Variants in EDIL3 observed in about 807,000 individuals in gnomAD.
EDIL3 encodes EGF-like repeat and discoidin I-like domain-containing protein 3.
Under a neutral mutation model 67.4 loss-of-function variants are expected in EDIL3, and 37 were observed. The ratio of observed to expected loss-of-function variants is 0.55; its 90% CI spans 0.42 to 0.72. The LOEUF (loss-of-function observed/expected upper bound fraction) is 0.72, where lower values mean the gene tolerates loss of function less well. Ranked by LOEUF, EDIL3 falls within the 30% of genes least tolerant of loss-of-function variation. EDIL3 has a pLI of 0.00. For missense variants in EDIL3, 527 were observed against 586.3 expected (o/e 0.90, Z 1.04); for synonymous variants, 195 against 196.3 (o/e 0.99, Z 0.05).
chr5:84,322,538 A>T (rs1465273144), intron 1 of EDIL3, among the ~76,000 whole-genome samples: 3 of 152,246 alleles, frequency 2.0e-5, no homozygotes, highest in Non-Finnish European at 2.9e-5. Context: ...TAAAATTTTT[A>T]AAAAATTTAA....
chr5:83,943,294 A>C lies in EDIL3; in HGVS notation c.*125T>G. The C allele has an allele frequency of 1.5e-6, 2 of 1,358,556 alleles. No individual in the cohort carries two copies. The highest frequency in any genetic ancestry group is 2.0e-6 in the Non-Finnish European group (2 of 996,640). The allele number at this position is 1,358,556 out of a possible 1,614,324, so 84.2% of individuals were successfully genotyped here. Reference sequence around the variant, plus strand: ...AAAAACACCGTTAGTTGCCTACCATAATTTGAGCACTTTTTCATGAAAAAA... The same window carrying C: ...AAAAACACCGTTAGTTGCCTACCATCATTTGAGCACTTTTTCATGAAAAAA... On this transcript the variant is annotated 3_prime_UTR_variant, in exon 11 of 11. Coordinates refer to ENST00000296591, the MANE Select transcript of EDIL3 (RefSeq NM_005711.5).
intron 9 of EDIL3, among the ~76,000 whole-genome samples, chr5:83,964,728 A>C (rs567412716): frequency 6.6e-6 from 1 of 152,224 alleles, no homozygotes; most frequent in East Asian, 1.9e-4. Context: ...TAAAGCCTTT[A>C]GACTCAAGTT....
chr5:84,035,100 T>C (rs1017038451), intron 9 of EDIL3, among the ~76,000 whole-genome samples: 3 of 152,168 alleles, frequency 2.0e-5, no homozygotes, highest in Admixed American at 6.6e-5. Context: ...TTGGGAATGA[T>C]TAAACTGAAT....
chr5:84,033,169 A>G (rs1322277177), intron 9 of EDIL3, among the ~76,000 whole-genome samples: 3 of 151,746 alleles, frequency 2.0e-5, no homozygotes, highest in African/African-American at 4.8e-5. Flanking sequence ...GGAGATGACA[A>G]CTCCTAACTC....
intron 7 of EDIL3, 38 bp from the exon 8 acceptor site, chr5:84,064,882 C>A: frequency 1.3e-6 from 2 of 1,575,260 alleles, no homozygotes; most frequent in Non-Finnish European, 1.7e-6. Flanking sequence ...ACTGCAACAG[C>A]TTATTTACCT....
At chr5:84,121,538 GATCTATCTATCT>G (rs3046833) in intron 5 of EDIL3, among the ~76,000 whole-genome samples, 13,954 of 129,836 alleles carry the variant, frequency 0.11, 764 homozygotes, top group Middle Eastern at 0.17. Flanking sequence ...AACTTAGATC[GATCTATCTATCT>G]ATCTATCTAT....
At chr5:83,953,614 T>A (rs1744456996) in intron 10 of EDIL3, among the ~76,000 whole-genome samples, 1 of 151,822 alleles carries the variant, frequency 6.6e-6, no homozygotes, top group South Asian at 2.1e-4. Context: ...TGTTTCTAAC[T>A]TTACTGGAAA....
chr5:83,974,268 A>G (rs1744841294), intron 9 of EDIL3, among the ~76,000 whole-genome samples: 1 of 151,784 alleles, frequency 6.6e-6, no homozygotes, highest in Non-Finnish European at 1.5e-5. Flanking sequence ...ATGGCCTCTT[A>G]GAAATCAAGC....
At position 84,137,220 on chromosome 5, in the gene EDIL3, TAC is replaced by T; in HGVS notation, c.469+19_469+20del. 1.6e-6 allele frequency: 2 copies of T among 1,260,738 alleles called. No homozygotes were observed. The highest frequency in any genetic ancestry group is 1.1e-6 in the Non-Finnish European group (1 of 895,168). The allele number at this position is 1,260,738 out of a possible 1,614,324, so 78.1% of individuals were successfully genotyped here. On this transcript the variant is annotated intron_variant, in intron 5 of 10. Coordinates refer to ENST00000296591, the MANE Select transcript of EDIL3 (RefSeq NM_005711.5). ...ACACACACACACACACACACACACA[TAC>T]ACACACGTGAATACTTACTGTATTG...
At chr5:84,162,994 CATACTTAAT>C (rs1748641713) in intron 4 of EDIL3, among the ~76,000 whole-genome samples, 1 of 152,084 alleles carries the variant, frequency 6.6e-6, no homozygotes, top group Admixed American at 6.6e-5. Context: ...TCAGTAATAA[CATACTTAAT>C]ATCAATCATA....
At chr5:84,297,177 G>GAAAAAAAAAAAAAAAA (rs61365875) in intron 1 of EDIL3, among the ~76,000 whole-genome samples, 1 of 63,230 alleles carries the variant, frequency 1.6e-5, no homozygotes, top group Non-Finnish European at 2.8e-5. Context: ...GCAAGACTCC[G>GAAAAAAAAAAAAAAAA]AAAAAAAAAA....
chr5:84,358,928 C>A (rs959944313), intron 1 of EDIL3, among the ~76,000 whole-genome samples: 2 of 151,970 alleles, frequency 1.3e-5, no homozygotes, highest in African/African-American at 4.8e-5. Flanking sequence ...GTTTTAAAAG[C>A]AGTTCCAAAA....
At position 83,988,871 on chromosome 5, in the gene EDIL3, G is replaced by T. The variant is rs116507094; in HGVS notation, c.1138-25511C>A. Reference sequence around the variant, plus strand: ...AAAATGCAATAAAGAGTAATAAGCCGTTATATAATGGCCAATAAGGATAAC... The same window carrying T: ...AAAATGCAATAAAGAGTAATAAGCCTTTATATAATGGCCAATAAGGATAAC... On this transcript the variant is annotated intron_variant, in intron 9 of 10. Transcript: ENST00000296591. 2.0e-5 allele frequency among the ~76,000 whole-genome samples: 3 copies of T among 152,026 alleles called. No homozygotes were observed. The East Asian group carries it at 5.8e-4, about 29-fold the overall frequency.
intron 2 of EDIL3, among the ~76,000 whole-genome samples, chr5:84,233,250 C>T (rs1561229617): frequency 6.6e-6 from 1 of 152,190 alleles, no homozygotes; most frequent in Non-Finnish European, 1.5e-5. Flanking sequence ...ATAACAGAAT[C>T]TTCCTGGGTG....
At chr5:84,204,273 C>T (rs1743911647) in intron 3 of EDIL3, among the ~76,000 whole-genome samples, 1 of 152,124 alleles carries the variant, frequency 6.6e-6, no homozygotes, top group South Asian at 2.1e-4. Flanking sequence ...GGAATAATGT[C>T]CACTGCATAC....
chr5:83,972,388 G>A (rs1243996630), intron 9 of EDIL3, among the ~76,000 whole-genome samples: 1 of 151,986 alleles, frequency 6.6e-6, no homozygotes, highest in South Asian at 2.1e-4. Context: ...ACACTGTAGT[G>A]ACAGGAAGAC....
chr5:84,229,987 T>C (rs1744537475), intron 2 of EDIL3, 103 bp from the exon 3 acceptor site: 1 of 1,056,018 alleles, frequency 9.5e-7, no homozygotes, highest in Non-Finnish European at 1.4e-6. Context: ...AGATTGAACA[T>C]AAATATATTT....
intron 1 of EDIL3, among the ~76,000 whole-genome samples, chr5:84,343,143 A>T (rs893669981): frequency 1.3e-5 from 2 of 152,140 alleles, no homozygotes; most frequent in African/African-American, 4.8e-5. Flanking sequence ...AACTGAAAAC[A>T]GTATTGAGAA....
chr5:84,121,534 G>GATCTATCT (rs544249908), intron 5 of EDIL3, among the ~76,000 whole-genome samples: 1,014 of 99,986 alleles, frequency 0.01, 12 homozygotes, highest in African/African-American at 0.033. Context: ...CACTAACTTA[G>GATCTATCT]ATCGATCTAT....
Sources: gnomAD v4.1 joint callset for allele counts (sites outside exome capture counted in the v4.1 genomes callset) on GRCh38, gnomAD v4.1.1 for gene constraint, MANE v1.5 for transcripts, NCBI Gene and HGNC (gene_info 2026-07-23, HGNC 2026-07-21) for gene names.